The following ITGAL variants were observed in gnomAD, a reference collection of about 807,000 sequenced individuals.
ITGAL encodes the protein integrin subunit alpha L, also known as integrin alpha-L.
A neutral mutation model predicts 138.4 loss-of-function variants in ITGAL; 68 were observed. The observed-to-expected ratio is 0.49, with a 90% confidence interval of 0.40 to 0.60. ITGAL has a LOEUF of 0.60. Ranked by LOEUF, ITGAL falls within the 20% of genes least tolerant of loss-of-function variation. ITGAL has a pLI of 0.00. For synonymous variants in ITGAL, 561 were observed against 584.3 expected, an observed-to-expected ratio of 0.96 and a Z score of 0.57; for missense variants, 1,256 against 1,478.6, an observed-to-expected ratio of 0.85 and a Z score of 2.47.
At position 30,479,512 on chromosome 16, in the gene ITGAL, A is replaced by AAAAC. The variant is rs777988628; in HGVS notation, c.576+52_576+53insAACA. On this transcript the variant is annotated intron_variant, in intron 6 of 30. Transcript: ENST00000356798. ...GTTGCATGCAATAGATGCCTACCTG[A>AAAAC]ACTGACTTAAACCATGAAAGGAAAT... 10 of 1,555,552 alleles carry AAAAC rather than the reference A, an allele frequency of 6.4e-6. No homozygotes were observed. The East Asian group carries it at 2.3e-4, about 36-fold the overall frequency.
chr16:30,505,038 A>C, intron 18 of ITGAL: 2 of 349,426 alleles, frequency 5.7e-6, no homozygotes, highest in Non-Finnish European at 5.1e-6. Flanking sequence ...AAAAAAAAAG[A>C]GCTGCCAGCA....
chr16:30,499,341 G>T lies in ITGAL; in HGVS notation c.1997G>T (p.Arg666Leu), dbSNP rs200068830. 71 of 1,613,906 alleles carry T rather than the reference G, an allele frequency of 4.4e-5. No individual in the cohort carries two copies. The highest frequency in any genetic ancestry group is 3.3e-4 in the Middle Eastern group (2 of 6,084). ...TTGCCTTTTCCGCCCTGCCCAGGCC[G>T]CCTGGTTGCCAATCTCACTTACACT... ...IKSLIPQFQG[R>L]LVANLTYTLQ... Residue 666 changes from arginine to leucine, a missense_variant, in exon 17 of 31, where the codon CGC becomes CTC. By Grantham distance (102) the Arg-to-Leu change is moderately radical. This residue lies in a region of ITGAL where 867 missense variants were observed against 972.5 expected (regional missense o/e 0.89). Transcript: ENST00000356798.
At chr16:30,479,730 G>T (rs973609548) in intron 6 of ITGAL, among the ~76,000 whole-genome samples, 1 of 130,286 alleles carries the variant, frequency 7.7e-6, no homozygotes, top group African/African-American at 3.0e-5. Flanking sequence ...GCACAATCTC[G>T]ACTCACTGCC....
At chr16:30,499,036 G>T (rs369754566) in intron 15 of ITGAL, 38 bp from the exon 16 acceptor site, 3 of 1,600,318 alleles carry the variant, frequency 1.9e-6, no homozygotes, top group Admixed American at 1.7e-5. Flanking sequence ...CGTGCAGTTG[G>T]GTTGGAGGGA....
chr16:30,502,764 T>A (rs905786171), intron 17 of ITGAL, among the ~76,000 whole-genome samples: 48 of 151,038 alleles, frequency 3.2e-4, no homozygotes, highest in African/African-American at 7.3e-5. Context: ...AAAAAAAAAA[T>A]TCATATAAGA....
In ITGAL at chr16:30,474,932, C is replaced by T. The variant is rs1015635260; in HGVS notation, c.165-374C>T. ...GTAGTGCAACGGTTAGATCTCACCT[C>T]TCTGCAATCTGTGCCTCCCAGGTTC... On this transcript the variant is annotated intron_variant, in intron 2 of 30. Coordinates refer to ENST00000356798, the MANE Select transcript of ITGAL (RefSeq NM_002209.3). Among the ~76,000 whole-genome samples the T allele has an allele frequency of 1.2e-4, 18 of 146,186 alleles. No individual in the cohort carries two copies. In the South Asian group the frequency reaches 1.3e-3, roughly 11 times the overall value.
In ITGAL at chr16:30,489,283, C is replaced by G; in HGVS notation, c.1110C>G (p.Ala370=). Residue 370 remains alanine (A), a synonymous_variant, in exon 11 of 31, where the codon GCC becomes GCG. Coordinates refer to ENST00000356798, the MANE Select transcript of ITGAL (RefSeq NM_002209.3). ...ATGCAGTCGTGGGGGCAGTAGGAGC[C>G]AAGGACTGGGCTGGGGGCTTTCTTG... ...RGHAVVGAVG[A]KDWAGGFLDL... The G allele has an allele frequency of 6.2e-7, 1 of 1,613,850 alleles. No homozygotes were observed. The highest frequency in any genetic ancestry group is 8.5e-7 in the Non-Finnish European group (1 of 1,179,764).
At chr16:30,480,374 G>GT (rs961048109) in intron 6 of ITGAL, among the ~76,000 whole-genome samples, 6 of 152,260 alleles carry the variant, frequency 3.9e-5, no homozygotes, top group African/African-American at 1.4e-4. Flanking sequence ...TTCCAAGAGG[G>GT]TTTTTTACCT....
chr16:30,499,136 A>C lies in ITGAL; in HGVS notation c.1895A>C (p.His632Pro), dbSNP rs531846551. 6.2e-7 allele frequency: 1 copy of C among 1,613,996 alleles called. No individual in the cohort carries two copies. Among genetic ancestry groups the C allele is most frequent in the Non-Finnish European group, 8.5e-7 (1 of 1,180,024 alleles). The change falls in exon 16 of 31, where the codon CAT becomes CCT. Residue 632 changes from histidine (H) to proline (P), a missense_variant. His to Pro is a moderately conservative substitution (Grantham distance 77, BLOSUM62 -2). Around this residue, in one of 3 missense-constraint regions of ITGAL, gnomAD observed 867 missense variants for 972.5 expected, o/e 0.89. Coordinates refer to ENST00000356798, the MANE Select transcript of ITGAL (RefSeq NM_002209.3). ...MSFSPAEIPV[H>P]EVECSYSTSN... ...TTCTCTCCAGCTGAGATCCCAGTGC[A>C]TGAAGTGGAGTGCTCCTATTCAACC...
Position 30,496,466 on chromosome 16 carries a change from A to G in ITGAL, c.1732A>G (p.Ile578Val), listed in dbSNP as rs1461997920. Residue 578 changes from isoleucine to valine, a missense_variant, in exon 15 of 31, where the codon ATT becomes GTT. Transcript: ENST00000356798. ...RIEGTQVLSGIQWFGRSIHGV... is the reference protein window; with the variant it reads ...RIEGTQVLSGVQWFGRSIHGV... ...AGAAGGGACCCAAGTGCTCTCAGGA[A>G]TTCAGTGGTTTGGACGCTCCATCCA... 7 of 1,613,744 alleles carry G rather than the reference A, an allele frequency of 4.3e-6. No homozygotes were observed. Among genetic ancestry groups the G allele is most frequent in the African/African-American group, 1.3e-5 (1 of 74,918 alleles).
At chr16:30,484,374 C>G (rs1331302171) in intron 9 of ITGAL, 111 bp downstream of exon 9, 4 of 1,008,912 alleles carry the variant, frequency 4.0e-6, no homozygotes, top group African/African-American at 1.7e-5. Context: ...TTTGGGAGGC[C>G]GAGGCAGGTG....
intron 11 of ITGAL, among the ~76,000 whole-genome samples, chr16:30,492,494 C>A (rs899086740): frequency 1.1e-4 from 16 of 150,928 alleles, no homozygotes; most frequent in African/African-American, 3.7e-4. Context: ...TCAGGTGATC[C>A]ACCCGCCTTG....
At chr16:30,485,830 G>A (rs555475466) in intron 9 of ITGAL, among the ~76,000 whole-genome samples, 20 of 152,114 alleles carry the variant, frequency 1.3e-4, no homozygotes, top group Middle Eastern at 3.4e-3. Context: ...CACTGCACCC[G>A]GCCCTCTCTG....
chr16:30,481,660 A>G (rs1021997548), intron 7 of ITGAL, 76 bp downstream of exon 7: 1 of 1,403,928 alleles, frequency 7.1e-7, no homozygotes, highest in Non-Finnish European at 1.0e-6. Flanking sequence ...GCTGCAGGGC[A>G]TGGGAACTCA....
chr16:30,496,260 G>T lies in ITGAL; in HGVS notation c.1667G>T (p.Gly556Val). Residue 556 changes from glycine (G) to valine (V), a missense_variant, in exon 14 of 31, where the codon GGG (glycine) becomes GTG (valine). Coordinates refer to ENST00000356798, the MANE Select transcript of ITGAL (RefSeq NM_002209.3). ...CAGGGGGCTGTGTACATCTTCAATG[G>T]GAGGCACGGGGGGCTTAGTCCCCAG... ...EEQGAVYIFN[G>V]RHGGLSPQPS... is the part of the protein sequence containing the mutation. 6.2e-7 allele frequency: 1 copy of T among 1,603,932 alleles called. No individual in the cohort carries two copies. The highest frequency in any genetic ancestry group is 8.5e-7 in the Non-Finnish European group (1 of 1,174,272).
At position 30,494,455 on chromosome 16, in the gene ITGAL, T is replaced by C; in HGVS notation, c.1365+92T>C. The C allele has an allele frequency of 7.5e-7, 1 of 1,332,564 alleles. No homozygotes were observed. Among genetic ancestry groups the C allele is most frequent in the South Asian group, 1.4e-5 (1 of 69,054 alleles). The allele number at this position is 1,332,564 out of a possible 1,614,324, so 82.5% of individuals were successfully genotyped here. A position where few individuals can be genotyped will look rare whatever the true frequency, so the allele number is the denominator to read the frequency against. ...CCTTTGAATGCTCATCCACTTACCATGTGGCAGCCCCTGTGCTAAACATGA... is the reference window on the plus strand; with the variant it reads ...CCTTTGAATGCTCATCCACTTACCACGTGGCAGCCCCTGTGCTAAACATGA... On this transcript the variant is annotated intron_variant, in intron 12 of 30. Transcript: ENST00000356798. This position sits in a 1 kb window ranked among gnomAD's most constrained non-coding sequence, Gnocchi z 4.2.
At chr16:30,512,732 G>A (rs150790138) in intron 24 of ITGAL, among the ~76,000 whole-genome samples, 41 of 152,000 alleles carry the variant, frequency 2.7e-4, no homozygotes, top group African/African-American at 7.0e-4. Context: ...ACAGAGTCTC[G>A]CTCTGTTGCC....
rs2051007692 is a variant in ITGAL at position 30,506,855 on chromosome 16, A to G, written c.2507A>G (p.Lys836Arg). The G allele has an allele frequency of 6.2e-7, 1 of 1,613,692 alleles. No homozygotes were observed. The highest frequency in any genetic ancestry group is 1.3e-5 in the African/African-American group (1 of 74,926). The change falls in exon 21 of 31, where the codon AAG (lysine) becomes AGG (arginine). Residue 836 changes from lysine to arginine, a missense_variant and splice_region_variant. By Grantham distance (26) the Lys-to-Arg change is conservative (BLOSUM62 2). Around this residue, in one of 3 missense-constraint regions of ITGAL, gnomAD observed 867 missense variants for 972.5 expected, o/e 0.89. Coordinates refer to ENST00000356798, the MANE Select transcript of ITGAL (RefSeq NM_002209.3). ...TCCTTCCGCAAGGTGGAGATGCTGA[A>G]GGTGGGTGAGAGGACAGCGCCTGCC... is the stretch of plus-strand genomic sequence containing the variant. ...GLSFRKVEML[K>R]PHSQIPVSCE...
At chr16:30,479,281 G>A in intron 5 of ITGAL, 50 bp from the exon 6 acceptor site, 21 of 1,613,438 alleles carry the variant, frequency 1.3e-5, no homozygotes, top group Non-Finnish European at 1.8e-5. Context: ...GCATGGGCAG[G>A]TCAAACACCA....
Sources: allele counts gnomAD v4.1 joint callset (sites outside exome capture counted in the v4.1 genomes callset), GRCh38; gene constraint gnomAD v4.1.1; regional missense constraint gnomAD v4.1.1; non-coding constraint Gnocchi (gnomAD v3.1); transcripts MANE v1.5; gene names NCBI Gene and HGNC (gene_info 2026-07-23, HGNC 2026-07-21).